The following NTNG1 variants were observed in gnomAD, a reference collection of about 807,000 sequenced individuals.
NTNG1 encodes netrin G1, also known as netrin-G1.
In NTNG1, 16 loss-of-function variants were observed where a neutral mutation model predicts 54.0. That is an observed-to-expected ratio of 0.30 (90% CI 0.20 to 0.45). The LOEUF (loss-of-function observed/expected upper bound fraction) is 0.45, where lower values mean the gene tolerates loss of function less well. Ranked by LOEUF, NTNG1 falls within the 20% of genes least tolerant of loss-of-function variation. The probability of loss-of-function intolerance (pLI) is 1.00; values close to 1 mark genes in which losing one functional copy is unlikely to be tolerated. For missense variants in NTNG1, 530 were observed against 678.7 expected (o/e 0.78, Z 2.43); for synonymous variants, 255 against 263.1 (o/e 0.97, Z 0.30).
At chr1:107,363,709 C>T (rs1335019726) in intron 3 of NTNG1, among the ~76,000 whole-genome samples, 2 of 152,166 alleles carry the variant, frequency 1.3e-5, no homozygotes, top group African/African-American at 2.4e-5. Context: ...GCTCAAGGCT[C>T]ATCTCCACCA....
chr1:107,369,926 TAGTTC>T (rs1482506204), intron 3 of NTNG1, among the ~76,000 whole-genome samples: 1 of 152,156 alleles, frequency 6.6e-6, no homozygotes, highest in African/African-American at 2.4e-5. Context: ...AAGGTATGAA[TAGTTC>T]AGTTATTATA....
At chr1:107,216,765 C>T (rs1212748614) in intron 2 of NTNG1, among the ~76,000 whole-genome samples, 1 of 151,530 alleles carries the variant, frequency 6.6e-6, no homozygotes, top group Non-Finnish European at 1.5e-5. Flanking sequence ...GCAACCTCTA[C>T]CTCCTGGGTT....
chr1:107,313,890 C>CA (rs912509975), intron 2 of NTNG1, among the ~76,000 whole-genome samples: 5 of 151,584 alleles, frequency 3.3e-5, no homozygotes, highest in South Asian at 2.1e-4. Flanking sequence ...TTCACTATTC[C>CA]AAAAAAAATT....
intron 2 of NTNG1, among the ~76,000 whole-genome samples, chr1:107,221,541 C>T (rs1342896643): frequency 6.6e-6 from 1 of 152,074 alleles, no homozygotes; most frequent in African/African-American, 2.4e-5. Context: ...ACCAAAATGT[C>T]AGGAAAGGCT....
At chr1:107,226,511 A>G (rs1314190771) in intron 2 of NTNG1, among the ~76,000 whole-genome samples, 1 of 152,146 alleles carries the variant, frequency 6.6e-6, no homozygotes, top group African/African-American at 2.4e-5. Context: ...CATGCAGACA[A>G]GGAGCTCAGC....
intron 2 of NTNG1, among the ~76,000 whole-genome samples, chr1:107,150,827 G>A (rs770160757): frequency 1.6e-4 from 24 of 152,184 alleles, no homozygotes; most frequent in Admixed American, 8.5e-4. Flanking sequence ...CTTTCAAAGG[G>A]ACATGGTCTA....
At chr1:107,210,119 G>A (rs1332399485) in intron 2 of NTNG1, among the ~76,000 whole-genome samples, 1 of 152,084 alleles carries the variant, frequency 6.6e-6, no homozygotes, top group African/African-American at 2.4e-5. Context: ...CATTAACGGA[G>A]GGGGAGAGGA....
chr1:107,360,108 C>G (rs1670176812), intron 3 of NTNG1, among the ~76,000 whole-genome samples: 3 of 152,198 alleles, frequency 2.0e-5, no homozygotes, highest in South Asian at 4.1e-4. Flanking sequence ...ACCGACCAAC[C>G]CTTTGGTCTA....
chr1:107,372,561 C>T (rs954795117), intron 3 of NTNG1, among the ~76,000 whole-genome samples: 29 of 151,852 alleles, frequency 1.9e-4, no homozygotes, highest in Admixed American at 5.9e-4. Context: ...AAATTTATTT[C>T]AACTTATTTT....
intron 2 of NTNG1, among the ~76,000 whole-genome samples, chr1:107,168,851 T>G (rs17447113): frequency 0.031 from 4,714 of 152,234 alleles, 83 homozygotes; most frequent in Non-Finnish European, 0.035. Context: ...TTTGAAAAAT[T>G]GATCAAATTG....
intron 3 of NTNG1, among the ~76,000 whole-genome samples, chr1:107,363,081 T>C (rs999963290): frequency 2.6e-5 from 4 of 152,234 alleles, no homozygotes; most frequent in African/African-American, 9.6e-5. Flanking sequence ...TATTGCTGCT[T>C]CTTTTTAAAA....
At chr1:107,382,220 A>G (rs1455051458) in intron 3 of NTNG1, among the ~76,000 whole-genome samples, 1 of 152,130 alleles carries the variant, frequency 6.6e-6, no homozygotes, top group Non-Finnish European at 1.5e-5. Flanking sequence ...CAACCTCACT[A>G]CAACTTAGAT....
intron 4 of NTNG1, among the ~76,000 whole-genome samples, 161 bp from the exon 5 acceptor site, chr1:107,407,521 A>T (rs1283659359): frequency 6.6e-6 from 1 of 151,924 alleles, no homozygotes. Flanking sequence ...TATAATGTGT[A>T]TATGCATATA....
intron 3 of NTNG1, among the ~76,000 whole-genome samples, chr1:107,385,311 ACT>A (rs1487229862): frequency 2.0e-5 from 3 of 151,700 alleles, no homozygotes; most frequent in Admixed American, 6.6e-5. Context: ...CCACGCCACT[ACT>A]CTCTGGTCTC....
At chr1:107,396,430 C>T (rs187764090) in intron 4 of NTNG1, among the ~76,000 whole-genome samples, 26 of 152,194 alleles carry the variant, frequency 1.7e-4, no homozygotes, top group Non-Finnish European at 3.2e-4. Flanking sequence ...AGAAAGAAAT[C>T]CTTCAAAAGG....
chr1:107,147,580 G>A lies in NTNG1; in HGVS notation c.-525-489G>A, dbSNP rs182721885. 4.0e-3 allele frequency among the ~76,000 whole-genome samples: 615 copies of A among 152,006 alleles called. 6 individuals are homozygous for A. Among genetic ancestry groups the A allele is most frequent in the Admixed American group, 9.2e-3 (140 of 15,262 alleles). On this transcript the variant is annotated intron_variant, in intron 1 of 7. Coordinates refer to ENST00000370068, the MANE Select transcript of NTNG1 (RefSeq NM_001113226.3). ...AGGGACAGGCTTATGCCAACAATGC[G>A]GATTTTCACTCCAGCAAAGAAAAGC...
chr1:107,316,758 T>A (rs1040337918), intron 2 of NTNG1, among the ~76,000 whole-genome samples: 9 of 152,162 alleles, frequency 5.9e-5, no homozygotes, highest in African/African-American at 1.9e-4. Flanking sequence ...GAGAAACAGG[T>A]GATTGTTGCC....
intron 7 of NTNG1, among the ~76,000 whole-genome samples, chr1:107,469,729 C>T (rs534771344): frequency 6.6e-6 from 1 of 152,326 alleles, no homozygotes; most frequent in East Asian, 1.9e-4. Context: ...GCTGGGATTA[C>T]AGGCGTGAGC....
chr1:107,339,229 C>T (rs1356145982), intron 3 of NTNG1, among the ~76,000 whole-genome samples: 1 of 152,084 alleles, frequency 6.6e-6, no homozygotes, highest in Non-Finnish European at 1.5e-5. Context: ...CTTCCCACTT[C>T]TCCAGCCGTT....
Sources: gnomAD v4.1 joint callset for allele counts (sites outside exome capture counted in the v4.1 genomes callset) on GRCh38, gnomAD v4.1.1 for gene constraint, MANE v1.5 for transcripts, NCBI Gene and HGNC (gene_info 2026-07-23, HGNC 2026-07-21) for gene names.